The following KCTD1 variants were observed in gnomAD, a reference collection of about 807,000 sequenced individuals.
The protein encoded by KCTD1 is BTB/POZ domain-containing protein KCTD1.
In KCTD1, 24 loss-of-function variants were observed where a neutral mutation model predicts 66.0. The ratio of observed to expected loss-of-function variants is 0.36; its 90% CI spans 0.26 to 0.51. The LOEUF (loss-of-function observed/expected upper bound fraction) is 0.51, where lower values mean the gene tolerates loss of function less well. KCTD1 is among the 20% of genes least tolerant of loss of function. The pLI is 0.95. For synonymous variants in KCTD1, 511 were observed against 517.2 expected (o/e 0.99, Z 0.16); for missense variants, 943 against 1,205.2 (o/e 0.78, Z 3.22).
intron 1 of KCTD1, among the ~76,000 whole-genome samples, chr18:26,560,846 G>A (rs897137728): frequency 2.6e-5 from 4 of 152,228 alleles, no homozygotes; most frequent in Non-Finnish European, 5.9e-5. Context: ...ATTGCTAGAA[G>A]GGTAAATGGT....
At chr18:26,518,249 T>A (rs987679669) in intron 1 of KCTD1, among the ~76,000 whole-genome samples, 1 of 152,162 alleles carries the variant, frequency 6.6e-6, no homozygotes, top group African/African-American at 2.4e-5. Flanking sequence ...CACTTTAGTA[T>A]GGAGAATAAA....
chr18:26,639,676 G>A (rs912523278), intron 1 of KCTD1, among the ~76,000 whole-genome samples: 2 of 152,156 alleles, frequency 1.3e-5, no homozygotes, highest in Non-Finnish European at 2.9e-5. Context: ...CGCTGATTAT[G>A]TGCCTGGCTC....
intron 1 of KCTD1, among the ~76,000 whole-genome samples, chr18:26,651,829 G>A (rs912619888): frequency 4.0e-5 from 6 of 149,538 alleles, no homozygotes; most frequent in Non-Finnish European, 8.9e-5. Context: ...AGAAGGTAAA[G>A]TGTACAGAGT....
chr18:26,464,376 C>T (rs937504877), intron 3 of KCTD1, among the ~76,000 whole-genome samples: 5 of 152,330 alleles, frequency 3.3e-5, no homozygotes, highest in South Asian at 2.1e-4. Context: ...AAATAAGGAC[C>T]GCTGTGATTA....
chr18:26,512,949 C>A (rs902797479), intron 1 of KCTD1, among the ~76,000 whole-genome samples: 3 of 151,938 alleles, frequency 2.0e-5, no homozygotes, highest in Middle Eastern at 3.2e-3. Flanking sequence ...CCCCCGCACT[C>A]CAGCCTGGGC....
chr18:26,536,805 C>T (rs1206212548), intron 1 of KCTD1, among the ~76,000 whole-genome samples: 1 of 152,156 alleles, frequency 6.6e-6, no homozygotes, highest in African/African-American at 2.4e-5. Flanking sequence ...CATTCTCCTT[C>T]ACCTTGCCTT....
upstream of KCTD1, chr18:26,549,064 TGCTGCCGCGGGA>T (rs1985430864): frequency 1.0e-6 from 1 of 984,336 alleles, no homozygotes; most frequent in Non-Finnish European, 1.2e-6. Context: ...GGGCCGCGGG[TGCTGCCGCGGGA>T]AACCCGTGTC....
intron 1 of KCTD1, among the ~76,000 whole-genome samples, chr18:26,657,047 ACCCGGCC>A (rs1170065562): frequency 6.8e-6 from 1 of 147,590 alleles, no homozygotes; most frequent in African/African-American, 2.5e-5. Flanking sequence ...AGATCCGGAA[ACCCGGCC>A]CCCGGCCGCG....
chr18:26,491,786 G>A (rs958223202), intron 2 of KCTD1, among the ~76,000 whole-genome samples: 1 of 152,208 alleles, frequency 6.6e-6, no homozygotes, highest in African/African-American at 2.4e-5. Flanking sequence ...AGGCTGCCTT[G>A]AGAAGAAAGT....
chr18:26,514,995 C>T (rs1238666966), intron 1 of KCTD1, among the ~76,000 whole-genome samples: 1 of 152,148 alleles, frequency 6.6e-6, no homozygotes, highest in Admixed American at 6.5e-5. Context: ...AACAATCATC[C>T]TCCTCAGTAT....
intron 1 of KCTD1, among the ~76,000 whole-genome samples, chr18:26,620,709 T>TTGGTGTGAGGC (rs1987361679): frequency 6.6e-6 from 1 of 152,128 alleles, no homozygotes; most frequent in Non-Finnish European, 1.5e-5. Context: ...GTGCTGGGAT[T>TTGGTGTGAGGC]ACAGGTGTGA....
At chr18:26,516,253 T>G (rs1020490337) in intron 1 of KCTD1, among the ~76,000 whole-genome samples, 1 of 152,124 alleles carries the variant, frequency 6.6e-6, no homozygotes, top group Non-Finnish European at 1.5e-5. Context: ...ACCTCCTCAT[T>G]TTCTTGACCA....
At chr18:26,584,244 A>G (rs1164591718) in intron 1 of KCTD1, among the ~76,000 whole-genome samples, 1 of 152,226 alleles carries the variant, frequency 6.6e-6, no homozygotes, top group East Asian at 1.9e-4. Context: ...ACTGGCCATG[A>G]AATGTGGCAA....
At chr18:26,508,453 A>T (rs566708866) in intron 1 of KCTD1, among the ~76,000 whole-genome samples, 5 of 152,342 alleles carry the variant, frequency 3.3e-5, no homozygotes, top group Non-Finnish European at 2.9e-5. Flanking sequence ...TGAAGTTTAA[A>T]CTGAAAGTTT....
intron 2 of KCTD1, among the ~76,000 whole-genome samples, chr18:26,497,336 C>T (rs1982529528): frequency 6.6e-6 from 1 of 151,986 alleles, no homozygotes; most frequent in African/African-American, 2.4e-5. Flanking sequence ...CCAGGGGATC[C>T]AAGAGGGTGG....
At chr18:26,545,116 T>C (rs1037650234) in intron 1 of KCTD1, 1 of 152,206 alleles carries the variant, frequency 6.6e-6, no homozygotes, top group Non-Finnish European at 1.5e-5. Flanking sequence ...TACACTGGTG[T>C]CAAGAAACCA....
intron 1 of KCTD1, among the ~76,000 whole-genome samples, chr18:26,585,097 C>T (rs1034829552): frequency 7.9e-5 from 12 of 152,000 alleles, no homozygotes; most frequent in African/African-American, 2.7e-4. Flanking sequence ...TGCTGCCCCC[C>T]GATACCAGGC....
chr18:26,513,288 C>T (rs1054561369), intron 1 of KCTD1, among the ~76,000 whole-genome samples: 8 of 152,150 alleles, frequency 5.3e-5, no homozygotes, highest in South Asian at 2.1e-4. Flanking sequence ...GGGGTTTCAT[C>T]GCGTTAGCCA....
At chr18:26,506,590 G>C (rs933619321) in intron 1 of KCTD1, among the ~76,000 whole-genome samples, 9 of 152,220 alleles carry the variant, frequency 5.9e-5, no homozygotes, top group African/African-American at 1.9e-4. Context: ...GCGGGAGACA[G>C]AAGCTTGTAT....
Sources: allele counts gnomAD v4.1 joint callset (sites outside exome capture counted in the v4.1 genomes callset), GRCh38; gene constraint gnomAD v4.1.1; transcripts MANE v1.5; gene names NCBI Gene and HGNC (gene_info 2026-07-23, HGNC 2026-07-21).